The following CADPS2 variants were observed in gnomAD, a reference collection of about 807,000 sequenced individuals.
The protein encoded by CADPS2 is calcium dependent secretion activator 2.
CADPS2 carries 93 observed loss-of-function variants against 172.5 expected under a neutral mutation model. The observed-to-expected ratio is 0.54, with a 90% CI of 0.46 to 0.64. CADPS2 has a LOEUF of 0.64. Ranked by LOEUF, CADPS2 falls within the 30% of genes least tolerant of loss-of-function variation. CADPS2 has a pLI of 0.00. For synonymous variants in CADPS2, 546 were observed against 555.2 expected (o/e 0.98, Z 0.23); for missense variants, 1,420 against 1,565.9 (o/e 0.91, Z 1.57).
At position 122,387,145 on chromosome 7, in the gene CADPS2, G is replaced by C; in HGVS notation, c.3193C>G (p.Gln1065Glu). The stretch of plus-strand genomic sequence containing the variant: ...AAGTCAGTTGTTTTGCTTGCCTTTT[G>C]TAGCTTGAGTTCAAATGCAGTTCTT... ...RTRTAFELKLQKASKTTDLRI... is the reference protein window; with the variant it reads ...RTRTAFELKLEKASKTTDLRI... Residue 1065 changes from glutamine to glutamate, a missense_variant, in exon 24 of 30, where the codon CAA (glutamine) becomes GAA (glutamate). Gln to Glu is a conservative substitution (Grantham distance 29, BLOSUM62 2). Transcript: ENST00000449022. 1 of 1,580,482 alleles carries C rather than the reference G, an allele frequency of 6.3e-7. No homozygotes were observed. The highest frequency in any genetic ancestry group is 8.6e-7 in the Non-Finnish European group (1 of 1,161,022).
Position 122,324,076 on chromosome 7 carries a change from C to A in CADPS2, c.3717+1401G>T, listed in dbSNP as rs148819175. 1.3e-3 allele frequency among the ~76,000 whole-genome samples: 200 copies of A among 151,776 alleles called. No individual in the cohort carries two copies. In the East Asian group the frequency reaches 0.03, roughly 23 times the overall value. On this transcript the variant is annotated intron_variant, in intron 29 of 29. Transcript: ENST00000449022. ...CAGTTTCTTTGTAAAATAAATAACA[C>A]CATATAAGAAGTGTTCTGGATCAAA...
In CADPS2 at chr7:122,820,859, G is replaced by A. The variant is rs1434892700; in HGVS notation, c.339+65140C>T. On this transcript the variant is annotated intron_variant, in intron 1 of 29. Coordinates refer to ENST00000449022, the MANE Select transcript of CADPS2 (RefSeq NM_017954.11). ...CAGGCGTGAGCCACCGCGCCCGGCC[G>A]ACCTTACTGTTTTAGCCTAGCCCTC... Among the ~76,000 whole-genome samples the A allele has an allele frequency of 3.5e-5, 5 of 142,524 alleles. 1 individual carries two copies. The highest frequency in any genetic ancestry group is 6.1e-5 in the Non-Finnish European group (4 of 65,274). The allele number at this position is 142,524 out of a possible 152,430, so 93.5% of individuals were successfully genotyped here.
At position 122,578,808 on chromosome 7, in the gene CADPS2, T is replaced by C. The variant is rs142839198; in HGVS notation, c.1335+2371A>G. Among the ~76,000 whole-genome samples the C allele has an allele frequency of 5.0e-3, 766 of 152,248 alleles. 4 individuals are homozygous for C. The highest frequency in any genetic ancestry group is 0.014 in the Middle Eastern group (4 of 294). On this transcript the variant is annotated intron_variant, in intron 7 of 29. Transcript: ENST00000449022. ...AAATGGGAAAATAGTAAACAGACTC[T>C]TTATGTGAAATGATGGTGCTTTGAA...
chr7:122,357,916 T>C (rs999079061), intron 27 of CADPS2, among the ~76,000 whole-genome samples: 1 of 152,178 alleles, frequency 6.6e-6, no homozygotes, highest in East Asian at 1.9e-4. Flanking sequence ...TTTGGGTGAT[T>C]ATAAACAAAG....
Position 122,393,498 on chromosome 7 carries a change from G to T in CADPS2, c.2831C>A (p.Ser944Tyr). The change falls in exon 21 of 30, where the codon TCT becomes TAT. Residue 944 changes from serine (S) to tyrosine (Y), a missense_variant. Coordinates refer to ENST00000449022, the MANE Select transcript of CADPS2 (RefSeq NM_017954.11). The part of the protein sequence containing the change: ...LVVRYVDLME[S>Y]SIAQSIHRGF... ...TCTGTGAATTGACTGGGCGATGGAA[G>T]ACTCCATGAGATCCACATAGCGGAC... is the stretch of plus-strand genomic sequence containing the variant. The T allele has an allele frequency of 6.2e-7, 1 of 1,613,904 alleles. No individual in the cohort carries two copies. The highest frequency in any genetic ancestry group is 8.5e-7 in the Non-Finnish European group (1 of 1,179,848).
intron 1 of CADPS2, among the ~76,000 whole-genome samples, chr7:122,864,768 A>C (rs1292199939): frequency 6.6e-6 from 1 of 152,202 alleles, no homozygotes; most frequent in Non-Finnish European, 1.5e-5. Context: ...TATGGGCCCT[A>C]GACTCCTTCC....
chr7:122,655,229 G>A (rs1379140661), intron 3 of CADPS2, among the ~76,000 whole-genome samples: 2 of 152,206 alleles, frequency 1.3e-5, no homozygotes, highest in Non-Finnish European at 2.9e-5. Flanking sequence ...TGATAAAGCA[G>A]TGGCAGGGTA....
chr7:122,658,876 A>C (rs1350841089), intron 3 of CADPS2, among the ~76,000 whole-genome samples: 1 of 152,200 alleles, frequency 6.6e-6, no homozygotes, highest in Non-Finnish European at 1.5e-5. Context: ...TAGAACTTAA[A>C]GTATAATAAA....
chr7:122,375,522 T>C (rs1333351158), intron 25 of CADPS2, among the ~76,000 whole-genome samples: 1 of 152,082 alleles, frequency 6.6e-6, no homozygotes, highest in East Asian at 1.9e-4. Flanking sequence ...GAAAAGTGGA[T>C]GTACACATAC....
chr7:122,632,188 T>A (rs1440420347), intron 3 of CADPS2, among the ~76,000 whole-genome samples: 3 of 152,194 alleles, frequency 2.0e-5, no homozygotes, highest in Non-Finnish European at 4.4e-5. Context: ...GTCCTTTTGA[T>A]CAAATGAATT....
chr7:122,439,599 T>A (rs10248008), intron 16 of CADPS2, among the ~76,000 whole-genome samples: 12,249 of 152,200 alleles, frequency 0.08, 1,293 homozygotes, highest in African/African-American at 0.25. Context: ...AAGGCTACTC[T>A]TTGATGACAT....
chr7:122,559,462 T>C (rs10487229), intron 7 of CADPS2, among the ~76,000 whole-genome samples: 30,556 of 152,016 alleles, frequency 0.2, 4,059 homozygotes, highest in Non-Finnish European at 0.3. Context: ...TCAATTCTCT[T>C]TATGTTCTTA....
At position 122,851,684 on chromosome 7, in the gene CADPS2, T is replaced by C. The variant is rs139035659; in HGVS notation, c.339+34315A>G. Among the ~76,000 whole-genome samples the C allele has an allele frequency of 3.0e-3, 459 of 152,252 alleles. 2 individuals carry two copies. The highest frequency in any genetic ancestry group is 0.01 in the African/African-American group (427 of 41,554). Reference sequence around the variant, plus strand: ...GAAGAAAGAGCAAAGGGACAACTTATATGGCAACAGTCAAGAGAGTGTGTG... The same window carrying C: ...GAAGAAAGAGCAAAGGGACAACTTACATGGCAACAGTCAAGAGAGTGTGTG... On this transcript the variant is annotated intron_variant, in intron 1 of 29. Coordinates refer to ENST00000449022, the MANE Select transcript of CADPS2 (RefSeq NM_017954.11).
intron 2 of CADPS2, among the ~76,000 whole-genome samples, chr7:122,693,181 A>T (rs1047201563): frequency 1.3e-5 from 2 of 152,128 alleles, no homozygotes; most frequent in African/African-American, 4.8e-5. Flanking sequence ...CCTTTATAAA[A>T]ATACTGTTAA....
At chr7:122,768,729 T>A (rs1370189672) in intron 1 of CADPS2, among the ~76,000 whole-genome samples, 2 of 152,176 alleles carry the variant, frequency 1.3e-5, no homozygotes, top group Non-Finnish European at 1.5e-5. Context: ...CTGGAAGCCA[T>A]ATGTTTAGGT....
chr7:122,543,008 C>A (rs1307853443), intron 8 of CADPS2, among the ~76,000 whole-genome samples: 2 of 151,996 alleles, frequency 1.3e-5, no homozygotes, highest in Non-Finnish European at 2.9e-5. Context: ...TGACTTGGGG[C>A]AACACTATCA....
intron 8 of CADPS2, among the ~76,000 whole-genome samples, chr7:122,519,075 A>C (rs890729389): frequency 1.3e-5 from 2 of 152,054 alleles, no homozygotes; most frequent in African/African-American, 4.8e-5. Context: ...CTCTATTAGC[A>C]AATGGCCCTG....
At chr7:122,396,551 G>A (rs1188769414) in intron 20 of CADPS2, among the ~76,000 whole-genome samples, 1 of 152,172 alleles carries the variant, frequency 6.6e-6, no homozygotes, top group Admixed American at 6.5e-5. Context: ...CCTGAGCATG[G>A]TATGAAAGCT....
At chr7:122,863,278 T>C (rs1047377628) in intron 1 of CADPS2, among the ~76,000 whole-genome samples, 4 of 152,186 alleles carry the variant, frequency 2.6e-5, no homozygotes, top group African/African-American at 7.2e-5. Flanking sequence ...AAATACACTT[T>C]ATATTTTATA....
Sources: allele counts gnomAD v4.1 joint callset (sites outside exome capture counted in the v4.1 genomes callset), GRCh38; gene constraint gnomAD v4.1.1; transcripts MANE v1.5; gene names NCBI Gene and HGNC (gene_info 2026-07-23, HGNC 2026-07-21).